Variants in DHRSX observed in about 807,000 individuals in gnomAD.
DHRSX encodes dehydrogenase/reductase X-linked, also known as polyprenol dehydrogenase.
A neutral mutation model predicts 34.0 loss-of-function variants in DHRSX; 31 were observed. The observed-to-expected ratio is 0.91, with a 90% CI of 0.69 to 1.23. The LOEUF (loss-of-function observed/expected upper bound fraction) is 1.23. Among genes scored for constraint, DHRSX ranks in the 50% most tolerant of loss-of-function variants. The pLI is 0.00. For missense variants in DHRSX, 414 were observed against 428.1 expected, an observed-to-expected ratio of 0.97 and a Z score of 0.29; for synonymous variants, 201 against 183.8, an observed-to-expected ratio of 1.09 and a Z score of -0.76.
At chrX:2,346,915 T>C (rs958765617) in intron 3 of DHRSX, among the ~76,000 whole-genome samples, 7 of 152,220 alleles carry the variant, frequency 4.6e-5, no homozygotes, top group South Asian at 2.1e-4. Flanking sequence ...TTTTCTGTCC[T>C]TGTGATAGTT....
At position 2,221,103 on chromosome X, in the gene DHRSX, G is replaced by C. The variant is rs1357934825; in HGVS notation, c.931C>G (p.Leu311Val). The change falls in exon 7 of 7, where the codon CTG (leucine) becomes GTG (valine). Residue 311 changes from leucine (L) to valine (V), a missense_variant. Coordinates refer to ENST00000334651, the MANE Select transcript of DHRSX (RefSeq NM_145177.3). The stretch of plus-strand genomic sequence containing the variant: ...CTCTTAGACCACAGCTGCTGCTGCA[G>C]TTTCTGGTTGTAGGTGACGTGGAGG... ...KSLHVTYNQK[L>V]QQQLWSKSCE... 1 of 1,613,850 alleles carries C rather than the reference G, an allele frequency of 6.2e-7. No homozygotes were observed. Among genetic ancestry groups the C allele is most frequent in the East Asian group, 2.2e-5 (1 of 44,892 alleles).
chrX:2,449,806 A>C (rs779540816), intron 1 of DHRSX, among the ~76,000 whole-genome samples: 2 of 152,096 alleles, frequency 1.3e-5, no homozygotes, highest in African/African-American at 4.8e-5. Context: ...AGCACATACT[A>C]ATTTTTTCTA....
At chrX:2,480,406 G>A (rs374985432) in intron 1 of DHRSX, among the ~76,000 whole-genome samples, 40 of 151,148 alleles carry the variant, frequency 2.6e-4, no homozygotes, top group African/African-American at 8.5e-4. Flanking sequence ...TGGAGGCCAG[G>A]AGCGGTGGCT....
chrX:2,245,475 AT>A (rs1168753480), intron 5 of DHRSX, among the ~76,000 whole-genome samples: 4 of 151,374 alleles, frequency 2.6e-5, no homozygotes, highest in Non-Finnish European at 4.4e-5. Flanking sequence ...CGCCCGGCTA[AT>A]TTTTTGTATT....
chrX:2,480,851 A>T (rs1470163989), intron 1 of DHRSX, among the ~76,000 whole-genome samples: 4 of 152,154 alleles, frequency 2.6e-5, no homozygotes, highest in Non-Finnish European at 5.9e-5. Flanking sequence ...AAATTTTTCC[A>T]GTTAGATAGA....
chrX:2,354,321 T>C (rs2042822638), intron 3 of DHRSX, among the ~76,000 whole-genome samples: 2 of 152,306 alleles, frequency 1.3e-5, no homozygotes, highest in South Asian at 4.1e-4. Context: ...GGCTGCACCA[T>C]GTTCCTGGCC....
chrX:2,314,243 GA>G lies in DHRSX; in HGVS notation c.287-22641del, dbSNP rs1459413074. ...GAGGGAAGGAAGGGAGGGAGGGAAG[GA>G]AGGGAGGGAAGGAGGGAATGAAGGA... On this transcript the variant is annotated intron_variant, in intron 3 of 6. Transcript: ENST00000334651. Among the ~76,000 whole-genome samples, 16 of 14,394 alleles carry G rather than the reference GA, an allele frequency of 1.1e-3. 1 individual carries two copies. The highest frequency in any genetic ancestry group is 2.7e-3 in the South Asian group (1 of 376). The allele number at this position is 14,394 out of a possible 152,430, so 9.4% of individuals were successfully genotyped here.
chrX:2,378,561 T>C (rs1436094039), intron 3 of DHRSX, among the ~76,000 whole-genome samples: 1 of 152,174 alleles, frequency 6.6e-6, no homozygotes, highest in East Asian at 1.9e-4. Flanking sequence ...TTAAGGAAAA[T>C]CACAGCTTAC....
intron 3 of DHRSX, among the ~76,000 whole-genome samples, chrX:2,294,606 A>C (rs2041907346): frequency 6.6e-6 from 1 of 151,504 alleles, no homozygotes; most frequent in Non-Finnish European, 1.5e-5. Context: ...TGGAGGTTGC[A>C]GTAAGCCGAG....
chrX:2,479,909 G>A (rs1363266598), intron 1 of DHRSX, among the ~76,000 whole-genome samples: 8 of 152,222 alleles, frequency 5.3e-5, no homozygotes, highest in African/African-American at 1.7e-4. Flanking sequence ...GTGGCCAAGG[G>A]ACGGACGCCA....
At chrX:2,383,162 CCAT>C (rs200221304) in intron 3 of DHRSX, among the ~76,000 whole-genome samples, 2,524 of 151,218 alleles carry the variant, frequency 0.017, 98 homozygotes, top group East Asian at 0.094. Flanking sequence ...TCATCACTGA[CCAT>C]CATCATCATC....
At chrX:2,308,640 A>G (rs1333505536) in intron 3 of DHRSX, among the ~76,000 whole-genome samples, 2 of 152,162 alleles carry the variant, frequency 1.3e-5, no homozygotes, top group Non-Finnish European at 2.9e-5. Flanking sequence ...ATGAAGCTAT[A>G]ATGTGCCATT....
chrX:2,390,996 T>C (rs1261948565), intron 3 of DHRSX, among the ~76,000 whole-genome samples: 3 of 152,214 alleles, frequency 2.0e-5, no homozygotes, highest in Admixed American at 6.5e-5. Context: ...CCTTCCTTTT[T>C]TATGGCTGCG....
At position 2,251,014 on chromosome X, in the gene DHRSX, G is replaced by A. The variant is rs144451017; in HGVS notation, c.597-7784C>T. Among the ~76,000 whole-genome samples, 50 of 152,220 alleles carry A rather than the reference G, an allele frequency of 3.3e-4. 1 individual carries two copies. In the East Asian group the frequency reaches 8.7e-3, roughly 26 times the overall value. ...GACATGTTCTGAGATGTGCCTTGCC[G>A]TTGTGCAAAAGGCATGTTTGAATGC... On this transcript the variant is annotated intron_variant, in intron 5 of 6. Coordinates refer to ENST00000334651, the MANE Select transcript of DHRSX (RefSeq NM_145177.3).
intron 3 of DHRSX, among the ~76,000 whole-genome samples, chrX:2,384,394 T>C (rs1420246461): frequency 6.6e-6 from 1 of 152,046 alleles, no homozygotes; most frequent in East Asian, 1.9e-4. Context: ...ACGGACGTGG[T>C]TGCAAGACCT....
intron 3 of DHRSX, among the ~76,000 whole-genome samples, chrX:2,309,246 C>T (rs2042135900): frequency 6.6e-6 from 1 of 151,942 alleles, no homozygotes; most frequent in African/African-American, 2.4e-5. Context: ...TTTCAAAGAA[C>T]AGATAAGTGC....
At chrX:2,340,181 G>A (rs1190976098) in intron 3 of DHRSX, among the ~76,000 whole-genome samples, 1 of 151,254 alleles carries the variant, frequency 6.6e-6, no homozygotes, top group African/African-American at 2.4e-5. Context: ...ACACACTGGG[G>A]CCTGTCGAGG....
intron 1 of DHRSX, chrX:2,489,514 C>T: frequency 6.2e-7 from 1 of 1,613,162 alleles, no homozygotes; most frequent in Non-Finnish European, 8.5e-7. Context: ...GCTTGAAGGG[C>T]TGCAGGAGCT....
intron 2 of DHRSX, 27 bp from the exon 3 acceptor site, chrX:2,408,840 CG>C: frequency 6.4e-7 from 1 of 1,572,584 alleles, no homozygotes; most frequent in Non-Finnish European, 8.7e-7. Context: ...AAAAAAGATA[CG>C]GTGACTTGTA....
Sources: gnomAD v4.1 joint callset for allele counts (sites outside exome capture counted in the v4.1 genomes callset) on GRCh38, gnomAD v4.1.1 for gene constraint, MANE v1.5 for transcripts, NCBI Gene and HGNC (gene_info 2026-07-23, HGNC 2026-07-21) for gene names.